The following KCNH5 variants were observed in gnomAD, a reference collection of about 807,000 sequenced individuals.
KCNH5 encodes potassium voltage-gated channel subfamily H member 5, also known as voltage-gated delayed rectifier potassium channel KCNH5.
Under a neutral mutation model 96.1 loss-of-function variants are expected in KCNH5, and 46 were observed. The ratio of observed to expected loss-of-function variants is 0.48; its 90% CI spans 0.38 to 0.61. The LOEUF is 0.61. Among genes scored for constraint, KCNH5 ranks in the 20% least tolerant of loss-of-function variants. The probability of loss-of-function intolerance (pLI) is 0.00; values close to 1 mark genes in which losing one functional copy is unlikely to be tolerated. For synonymous variants in KCNH5, 439 were observed against 449.8 expected (o/e 0.98, Z 0.30); for missense variants, 907 against 1,225.8 (o/e 0.74, Z 3.88).
At chr14:62,735,852 A>C (rs563127389) in intron 10 of KCNH5, among the ~76,000 whole-genome samples, 2 of 151,946 alleles carry the variant, frequency 1.3e-5, no homozygotes, top group South Asian at 4.1e-4. Flanking sequence ...AAAAAGAGAC[A>C]GATAGGAACA....
intron 10 of KCNH5, among the ~76,000 whole-genome samples, chr14:62,725,258 G>C (rs1347333053): frequency 2.6e-5 from 4 of 152,060 alleles, no homozygotes; most frequent in Non-Finnish European, 1.5e-5. Flanking sequence ...AAGAAAGAAA[G>C]AACATGTCTT....
intron 7 of KCNH5, among the ~76,000 whole-genome samples, chr14:62,922,830 C>A (rs1220392064): frequency 6.6e-6 from 1 of 151,902 alleles, no homozygotes; most frequent in Non-Finnish European, 1.5e-5. Flanking sequence ...AAGCCCACAG[C>A]TAACATTATA....
chr14:62,733,545 C>A (rs769115300), intron 10 of KCNH5, among the ~76,000 whole-genome samples: 3 of 151,722 alleles, frequency 2.0e-5, no homozygotes, highest in Non-Finnish European at 4.4e-5. Flanking sequence ...GCAGCCCAAA[C>A]GAAGACATAT....
chr14:62,738,479 T>C (rs1885204797), intron 10 of KCNH5, among the ~76,000 whole-genome samples: 1 of 152,164 alleles, frequency 6.6e-6, no homozygotes, highest in Admixed American at 6.6e-5. Context: ...TCAATATTAC[T>C]GGCTGAAAGT....
intron 2 of KCNH5, among the ~76,000 whole-genome samples, chr14:63,009,518 T>C (rs957493675): frequency 6.6e-6 from 1 of 152,240 alleles, no homozygotes; most frequent in Non-Finnish European, 1.5e-5. Flanking sequence ...CTCAGATTTT[T>C]CATTTATTAT....
rs1889946580 is a variant in KCNH5, at chr14:62,948,895, C to T, written c.1369+1238G>A. ...AATGTAATCCAGCATATAAACAGAGCCAAAGACAAAAACCACATGATTATC... is the reference window on the plus strand; with the variant it reads ...AATGTAATCCAGCATATAAACAGAGTCAAAGACAAAAACCACATGATTATC... On this transcript the variant is annotated intron_variant, in intron 7 of 10. Coordinates refer to ENST00000322893, the MANE Select transcript of KCNH5 (RefSeq NM_139318.5). Among the ~76,000 whole-genome samples, 6 of 149,074 alleles carry T rather than the reference C, an allele frequency of 4.0e-5. No individual in the cohort carries two copies. The South Asian group carries it at 1.3e-3, about 32-fold the overall frequency.
At chr14:63,007,831 T>A (rs767890924) in intron 2 of KCNH5, among the ~76,000 whole-genome samples, 3 of 152,274 alleles carry the variant, frequency 2.0e-5, no homozygotes, top group Middle Eastern at 3.4e-3. Flanking sequence ...TAGAGGAACA[T>A]ACAAAACATA....
intron 10 of KCNH5, among the ~76,000 whole-genome samples, chr14:62,740,488 A>G (rs1484307830): frequency 2.6e-5 from 4 of 152,066 alleles, no homozygotes; most frequent in African/African-American, 9.7e-5. Flanking sequence ...ATTTTCTAAC[A>G]TTACACCTAA....
chr14:62,840,853 G>T lies in KCNH5; in HGVS notation c.1569+8800C>A, dbSNP rs143240706. Among the ~76,000 whole-genome samples the T allele has an allele frequency of 6.4e-3, 965 of 151,958 alleles. 3 individuals are homozygous for T. Among genetic ancestry groups the T allele is most frequent in the South Asian group, 0.023 (113 of 4,818 alleles). On this transcript the variant is annotated intron_variant, in intron 8 of 10. Transcript: ENST00000322893. Reference sequence around the variant, plus strand: ...GGTGCTAGGATTACAGGCATGAGCTGCCACACCCTGCAGAATCTCTTTCTT... The same window carrying T: ...GGTGCTAGGATTACAGGCATGAGCTTCCACACCCTGCAGAATCTCTTTCTT...
intron 9 of KCNH5, among the ~76,000 whole-genome samples, chr14:62,800,171 C>T (rs1188476541): frequency 2.0e-5 from 3 of 151,880 alleles, no homozygotes; most frequent in African/African-American, 4.8e-5. Context: ...AAAGAAAGGT[C>T]ACCAGAGAGT....
intron 2 of KCNH5, among the ~76,000 whole-genome samples, chr14:63,011,614 T>C (rs1891229654): frequency 6.6e-6 from 1 of 152,160 alleles, no homozygotes; most frequent in African/African-American, 2.4e-5. Flanking sequence ...TTCAAAGGAT[T>C]TCACTGGAGT....
At chr14:62,881,811 G>A (rs1888498314) in intron 7 of KCNH5, among the ~76,000 whole-genome samples, 1 of 152,062 alleles carries the variant, frequency 6.6e-6, no homozygotes, top group Non-Finnish European at 1.5e-5. Context: ...CTGCTAGTGA[G>A]TGATAAAGTC....
chr14:62,781,326 A>T (rs901940707), intron 9 of KCNH5, among the ~76,000 whole-genome samples: 1 of 152,188 alleles, frequency 6.6e-6, no homozygotes, highest in African/African-American at 2.4e-5. Flanking sequence ...AGATCACAGG[A>T]CCACAGGACT....
chr14:62,786,723 G>A (rs576704759), intron 9 of KCNH5, among the ~76,000 whole-genome samples: 81 of 152,134 alleles, frequency 5.3e-4, no homozygotes, highest in Middle Eastern at 3.4e-3. Flanking sequence ...ATCATTTGAT[G>A]TCTCATTTTG....
intron 7 of KCNH5, among the ~76,000 whole-genome samples, chr14:62,875,703 T>A (rs1888357713): frequency 6.6e-6 from 1 of 152,192 alleles, no homozygotes; most frequent in Non-Finnish European, 1.5e-5. Context: ...CAAAGAAATA[T>A]AAATCATTCT....
At chr14:62,799,728 C>T (rs994735) in intron 9 of KCNH5, among the ~76,000 whole-genome samples, 3,082 of 60,340 alleles carry the variant, frequency 0.051, 53 homozygotes, top group East Asian at 0.21. Context: ...TATATATATA[C>T]ACACACACAC....
At chr14:62,743,025 T>C (rs1001154078) in intron 10 of KCNH5, among the ~76,000 whole-genome samples, 1 of 152,190 alleles carries the variant, frequency 6.6e-6, no homozygotes, top group Non-Finnish European at 1.5e-5. Flanking sequence ...TCCCTCTCTA[T>C]TCCCCATGGA....
intron 7 of KCNH5, among the ~76,000 whole-genome samples, chr14:62,851,096 A>G (rs1450228634): frequency 6.6e-6 from 1 of 152,194 alleles, no homozygotes; most frequent in Non-Finnish European, 1.5e-5. Context: ...TCCTCTGAGT[A>G]TAACAAATTA....
At chr14:62,985,373 A>G (rs889744694) in intron 5 of KCNH5, among the ~76,000 whole-genome samples, 1 of 152,170 alleles carries the variant, frequency 6.6e-6, no homozygotes, top group African/African-American at 2.4e-5. Flanking sequence ...CAGGGAACAT[A>G]CTTTACTTCC....
Sources: allele counts gnomAD v4.1 joint callset (sites outside exome capture counted in the v4.1 genomes callset), GRCh38; gene constraint gnomAD v4.1.1; transcripts MANE v1.5; gene names NCBI Gene and HGNC (gene_info 2026-07-23, HGNC 2026-07-21).